GPC5: variants seen among roughly 807,000 people sequenced by gnomAD.
The protein encoded by GPC5 is glypican-5.
In GPC5, 47 loss-of-function variants were observed where a neutral mutation model predicts 53.9. The ratio of observed to expected loss-of-function variants is 0.87; its 90% confidence interval spans 0.69 to 1.11. The LOEUF (loss-of-function observed/expected upper bound fraction) is 1.11, where lower values mean the gene tolerates loss of function less well. Ranked by LOEUF, GPC5 falls within the 50% of genes most tolerant of loss-of-function variation. The probability of loss-of-function intolerance (pLI) is 0.00; values close to 1 mark genes in which losing one functional copy is unlikely to be tolerated. For synonymous variants in GPC5, 286 were observed against 263.3 expected, an observed-to-expected ratio of 1.09 and a Z score of -0.84; for missense variants, 748 against 713.1, an observed-to-expected ratio of 1.05 and a Z score of -0.56.
chr13:91,838,146 G>A (rs1221192054), intron 5 of GPC5, among the ~76,000 whole-genome samples: 2 of 152,132 alleles, frequency 1.3e-5, no homozygotes, highest in Admixed American at 6.6e-5. Context: ...AAACATTTCA[G>A]TGATAAACTG....
At chr13:91,907,295 A>G (rs1319282753) in intron 5 of GPC5, among the ~76,000 whole-genome samples, 2 of 148,530 alleles carry the variant, frequency 1.3e-5, no homozygotes, top group East Asian at 3.9e-4. Flanking sequence ...ATTTATTAAT[A>G]AAACTATTTT....
At chr13:92,777,094 G>T (rs1219032995) in intron 7 of GPC5, among the ~76,000 whole-genome samples, 1 of 150,774 alleles carries the variant, frequency 6.6e-6, no homozygotes, top group East Asian at 2.0e-4. Context: ...TACTTTGGGA[G>T]GCCAAGGCGG....
At chr13:92,736,966 T>C (rs1566392346) in intron 7 of GPC5, among the ~76,000 whole-genome samples, 1 of 152,024 alleles carries the variant, frequency 6.6e-6, no homozygotes, top group Non-Finnish European at 1.5e-5. Flanking sequence ...GCTACTGGAT[T>C]TGAGCTGGGC....
intron 5 of GPC5, among the ~76,000 whole-genome samples, chr13:91,831,689 G>T (rs2038661532): frequency 6.6e-6 from 1 of 151,574 alleles, no homozygotes; most frequent in African/African-American, 2.4e-5. Context: ...AAAAAAGGCA[G>T]CTTACCTTCT....
In GPC5 at chr13:92,137,963, T is replaced by A. The variant is rs548260254; in HGVS notation, c.1402-6867T>A. Among the ~76,000 whole-genome samples the A allele has an allele frequency of 2.0e-5, 3 of 152,262 alleles. No individual in the cohort carries two copies. The South Asian group carries it at 6.2e-4, about 32-fold the overall frequency. On this transcript the variant is annotated intron_variant, in intron 6 of 7. Coordinates refer to ENST00000377067, the MANE Select transcript of GPC5 (RefSeq NM_004466.6). ...GTTTAGGTTCACCTATTATAAAAAATGCATCATTCTGGTGCAGGATGTTGA... is the reference window on the plus strand; with the variant it reads ...GTTTAGGTTCACCTATTATAAAAAAAGCATCATTCTGGTGCAGGATGTTGA...
At chr13:92,571,847 TG>T (rs1883033148) in intron 7 of GPC5, among the ~76,000 whole-genome samples, 1 of 152,142 alleles carries the variant, frequency 6.6e-6, no homozygotes, top group Non-Finnish European at 1.5e-5. Context: ...AAGACTAGCC[TG>T]GGCAACATGG....
intron 7 of GPC5, among the ~76,000 whole-genome samples, chr13:92,319,426 AAAAG>A (rs2043201530): frequency 1.3e-5 from 2 of 151,740 alleles, no homozygotes; most frequent in Non-Finnish European, 1.5e-5. Context: ...AAAAAAAAAA[AAAAG>A]AGGAATTCAG....
intron 5 of GPC5, among the ~76,000 whole-genome samples, chr13:91,891,687 TCAA>T (rs1424159009): frequency 2.0e-5 from 3 of 152,142 alleles, no homozygotes; most frequent in Non-Finnish European, 4.4e-5. Context: ...TAAGTAAGAA[TCAA>T]CAACGTTTCA....
chr13:92,681,883 T>C (rs1002143353), intron 7 of GPC5, among the ~76,000 whole-genome samples: 1 of 152,204 alleles, frequency 6.6e-6, no homozygotes, highest in African/African-American at 2.4e-5. Flanking sequence ...TGAGTGACCT[T>C]CTTAGGACAA....
At chr13:92,001,754 A>G (rs561036999) in intron 6 of GPC5, among the ~76,000 whole-genome samples, 2 of 152,232 alleles carry the variant, frequency 1.3e-5, no homozygotes, top group Admixed American at 6.5e-5. Flanking sequence ...GAAGGTATAC[A>G]TTTTTAAAAA....
At chr13:92,392,187 T>C (rs534585142) in intron 7 of GPC5, among the ~76,000 whole-genome samples, 3 of 152,276 alleles carry the variant, frequency 2.0e-5, no homozygotes, top group Admixed American at 2.0e-4. Flanking sequence ...GAAAATAACT[T>C]ACCACTTTTA....
At chr13:92,168,954 A>G (rs373478835) in intron 7 of GPC5, among the ~76,000 whole-genome samples, 32 of 152,226 alleles carry the variant, frequency 2.1e-4, no homozygotes, top group African/African-American at 7.7e-4. Context: ...TATAGACCGG[A>G]TAAAGAAAAT....
chr13:92,791,186 A>C (rs540462752), intron 7 of GPC5, among the ~76,000 whole-genome samples: 1 of 152,196 alleles, frequency 6.6e-6, no homozygotes, highest in Non-Finnish European at 1.5e-5. Flanking sequence ...TGCCTTGATA[A>C]GTTTCCAAGT....
intron 7 of GPC5, among the ~76,000 whole-genome samples, chr13:92,862,807 T>A (rs1159896257): frequency 6.6e-6 from 1 of 152,186 alleles, no homozygotes; most frequent in Non-Finnish European, 1.5e-5. Flanking sequence ...TACGTTCTTG[T>A]CCATGCAATT....
intron 2 of GPC5, among the ~76,000 whole-genome samples, chr13:91,538,990 C>T (rs901561975): frequency 3.3e-5 from 5 of 152,142 alleles, no homozygotes; most frequent in African/African-American, 1.2e-4. Flanking sequence ...ATTAAAAATA[C>T]TAACATTAAG....
chr13:92,273,359 C>G (rs1440263260), intron 7 of GPC5, among the ~76,000 whole-genome samples: 1 of 152,018 alleles, frequency 6.6e-6, no homozygotes, highest in East Asian at 1.9e-4. Context: ...TCTCTAATCT[C>G]CATACTCATT....
intron 7 of GPC5, among the ~76,000 whole-genome samples, chr13:92,248,394 T>C (rs767322481): frequency 6.6e-6 from 1 of 151,908 alleles, no homozygotes; most frequent in Non-Finnish European, 1.5e-5. Flanking sequence ...GCCACAGGAG[T>C]TAAAACTTAT....
intron 7 of GPC5, among the ~76,000 whole-genome samples, chr13:92,554,827 T>C (rs1354819487): frequency 6.6e-6 from 1 of 151,184 alleles, no homozygotes; most frequent in Non-Finnish European, 1.5e-5. Context: ...CATATGTGTA[T>C]AGAACTTACA....
At chr13:92,665,703 G>A (rs1307718190) in intron 7 of GPC5, among the ~76,000 whole-genome samples, 1 of 152,118 alleles carries the variant, frequency 6.6e-6, no homozygotes, top group Non-Finnish European at 1.5e-5. Context: ...TTCCATTTAT[G>A]TCCCTAATTT....
Sources: allele counts gnomAD v4.1 joint callset (sites outside exome capture counted in the v4.1 genomes callset), GRCh38; gene constraint gnomAD v4.1.1; transcripts MANE v1.5; gene names NCBI Gene and HGNC (gene_info 2026-07-23, HGNC 2026-07-21).